MACF1: variants seen among roughly 807,000 people sequenced by gnomAD.
MACF1 encodes microtubule-actin cross-linking factor 1.
In MACF1, 193 loss-of-function variants were observed where a neutral mutation model predicts 854.8. The ratio of observed to expected loss-of-function variants is 0.23; its 90% confidence interval spans 0.20 to 0.25. The LOEUF is 0.25. MACF1 is among the 10% of genes least tolerant of loss of function. The pLI is 1.00. For synonymous variants in MACF1, 3,185 were observed against 3,226.7 expected (o/e 0.99, Z 0.44); for missense variants, 7,722 against 8,929.1 (o/e 0.86, Z 5.45).
At chr1:39,234,480 T>C (rs111505235) in intron 2 of MACF1, among the ~76,000 whole-genome samples, 104,222 of 118,002 alleles carry the variant, frequency 0.88, 46,788 homozygotes, top group East Asian at 0.98. Context: ...TCCTCACTTC[T>C]CAGTAGGGGC....
chr1:39,202,454 G>A (rs192032726), upstream of MACF1, among the ~76,000 whole-genome samples: 866 of 151,518 alleles, frequency 5.7e-3, 7 homozygotes, highest in Non-Finnish European at 7.9e-3. Context: ...GGCCAATGCG[G>A]TGAAACCCCA....
At chr1:39,361,187 A>G (rs1229610797) in intron 48 of MACF1, among the ~76,000 whole-genome samples, 173 bp from the exon 49 acceptor site, 3 of 152,236 alleles carry the variant, frequency 2.0e-5, no homozygotes, top group African/African-American at 7.2e-5. Flanking sequence ...TGGAGATAGC[A>G]AAGTCATGTG....
At chr1:39,370,777 A>G (rs1649158395) in intron 51 of MACF1, among the ~76,000 whole-genome samples, 1 of 152,172 alleles carries the variant, frequency 6.6e-6, no homozygotes, top group African/African-American at 2.4e-5. Flanking sequence ...ATTCCCTAGG[A>G]CAGAGCTTTC....
At chr1:39,261,813 A>G (rs1042727606) in intron 6 of MACF1, among the ~76,000 whole-genome samples, 11 of 152,180 alleles carry the variant, frequency 7.2e-5, no homozygotes, top group Non-Finnish European at 1.5e-4. Flanking sequence ...GTATACATGT[A>G]TATACCTAGG....
Position 39,323,047 on chromosome 1 carries a change from G to C in MACF1, c.4236+39G>C, listed in dbSNP as rs139498981. 1,012 of 1,583,082 alleles carry C rather than the reference G, an allele frequency of 6.4e-4. 8 individuals are homozygous for C. In the African/African-American group the frequency reaches 0.012, roughly 19 times the overall value. On this transcript the variant is annotated intron_variant, in intron 33 of 100. Transcript: ENST00000564288. ...GGTCCAAAGTCATCTTGAAAGTACA[G>C]TAAAACATCTTAGCCAGCACGGTGG...
intron 2 of MACF1, among the ~76,000 whole-genome samples, chr1:39,123,617 C>G (rs970363595): frequency 6.6e-6 from 1 of 151,574 alleles, no homozygotes; most frequent in Non-Finnish European, 1.5e-5. Flanking sequence ...CAGCTCACTG[C>G]AGCCTCAATC....
chr1:39,412,456 T>G, intron 58 of MACF1: 1 of 1,614,036 alleles, frequency 6.2e-7, no homozygotes, highest in East Asian at 2.2e-5. Context: ...AGCCACACTT[T>G]TGGAGGATCA....
rs35455035 is a variant in MACF1, at chr1:39,364,373, GT to G, written c.12771+2708del. 7.1e-4 allele frequency among the ~76,000 whole-genome samples: 103 copies of G among 145,230 alleles called. 2 individuals are homozygous for G. In the South Asian group the frequency reaches 0.014, roughly 20 times the overall value. On this transcript the variant is annotated intron_variant, in intron 49 of 100. Transcript: ENST00000564288. Reference sequence around the variant, plus strand: ...TTTTGGTTTTCTCTCAATTTTTAAAGTTTTTTTTTTTTAGAGTTCTTATATA... The same window carrying G: ...TTTTGGTTTTCTCTCAATTTTTAAAGTTTTTTTTTTTAGAGTTCTTATATA...
At chr1:39,305,646 G>C (rs1474728088) in intron 23 of MACF1, among the ~76,000 whole-genome samples, 4 of 152,154 alleles carry the variant, frequency 2.6e-5, no homozygotes, top group African/African-American at 9.7e-5. Flanking sequence ...TACATGTGTT[G>C]TTTAAAGCTG....
intron 2 of MACF1, among the ~76,000 whole-genome samples, chr1:39,104,752 TTC>T (rs1642176639): frequency 1.3e-5 from 2 of 152,230 alleles, no homozygotes; most frequent in African/African-American, 4.8e-5. Flanking sequence ...GTTCAGCTTC[TTC>T]TGTTTCTGGA....
At chr1:39,485,475 C>T in intron 100 of MACF1, 63 bp from the exon 101 acceptor site, 1 of 1,485,894 alleles carries the variant, frequency 6.7e-7, no homozygotes. Context: ...CTAGCTTCTG[C>T]TCACTTGTTC....
intron 70 of MACF1, chr1:39,436,464 C>A: frequency 3.7e-6 from 6 of 1,613,872 alleles, no homozygotes; most frequent in Non-Finnish European, 5.1e-6. Flanking sequence ...GTTGTGTTGA[C>A]CGCGCCCACC....
At chr1:39,108,663 A>G (rs1239672014) in intron 2 of MACF1, among the ~76,000 whole-genome samples, 3 of 152,154 alleles carry the variant, frequency 2.0e-5, no homozygotes, top group Non-Finnish European at 4.4e-5. Context: ...CCAGGATTTT[A>G]TTCCTCTCCT....
At chr1:39,340,468 T>G (rs1417145474) in intron 38 of MACF1, 34 bp from the exon 39 acceptor site, 3 of 1,512,380 alleles carry the variant, frequency 2.0e-6, no homozygotes, top group Non-Finnish European at 2.7e-6. Context: ...TTTCTAGTCT[T>G]GCTTTTATAG....
At chr1:39,480,859 G>A in intron 98 of MACF1, 61 bp from the exon 99 acceptor site, 4 of 838,130 alleles carry the variant, frequency 4.8e-6, no homozygotes, top group Non-Finnish European at 7.9e-6. Context: ...TTCCCAATGT[G>A]CACCCTTTTT....
intron 2 of MACF1, among the ~76,000 whole-genome samples, chr1:39,112,076 A>T (rs1243551008): frequency 6.9e-6 from 1 of 144,230 alleles, no homozygotes; most frequent in Admixed American, 7.0e-5. Context: ...TCCCTTCCTG[A>T]TTATTCAAAT....
At chr1:39,412,495 C>T in intron 58 of MACF1, 1 of 1,613,970 alleles carries the variant, frequency 6.2e-7, no homozygotes, top group Middle Eastern at 1.6e-4. Context: ...CAGAAACTTC[C>T]CAGAGCAGGT....
rs1409631025 is a variant in MACF1, at chr1:39,368,885, C to CT, written c.12938+571_12938+572insT. 2.6e-5 allele frequency among the ~76,000 whole-genome samples: 4 copies of CT among 151,522 alleles called. 1 individual carries two copies. The highest frequency in any genetic ancestry group is 5.9e-5 in the Non-Finnish European group (4 of 67,942). On this transcript the variant is annotated intron_variant, in intron 50 of 100. Coordinates refer to ENST00000564288, the MANE Select transcript of MACF1 (RefSeq NM_001394062.1). ...TGATCAGAAGCCTAGGCCACTTGGA[C>CT]CAAACAGAACAAATTTGAGGCAGCA... is the stretch of plus-strand genomic sequence containing the variant.
At chr1:39,370,290 TGTCA>T in intron 51 of MACF1, 104 bp downstream of exon 51, 1 of 1,076,032 alleles carries the variant, frequency 9.3e-7, no homozygotes, top group Non-Finnish European at 1.3e-6. Flanking sequence ...AAATCCAAGT[TGTCA>T]GTCTGCATCA....
Sources: gnomAD v4.1 joint callset for allele counts (sites outside exome capture counted in the v4.1 genomes callset) on GRCh38, gnomAD v4.1.1 for gene constraint, MANE v1.5 for transcripts, NCBI Gene and HGNC (gene_info 2026-07-23, HGNC 2026-07-21) for gene names.